Variants in NAALADL2 observed in about 807,000 individuals in gnomAD.
NAALADL2 encodes inactive N-acetylated-alpha-linked acidic dipeptidase-like protein 2.
In NAALADL2, 76 loss-of-function variants were observed where a neutral mutation model predicts 87.2. That is an observed-to-expected ratio of 0.87 (90% CI 0.72 to 1.05). The LOEUF (loss-of-function observed/expected upper bound fraction) is 1.05. Among genes scored for constraint, NAALADL2 ranks in the 50% least tolerant of loss-of-function variants. NAALADL2 has a pLI of 0.00. For synonymous variants in NAALADL2, 354 were observed against 331.0 expected, an observed-to-expected ratio of 1.07 and a Z score of -0.75; for missense variants, 1,089 against 945.8, an observed-to-expected ratio of 1.15 and a Z score of -1.99.
At position 174,657,551 on chromosome 3, in the gene NAALADL2, C is replaced by A. The variant is rs188887350; in HGVS notation, c.-114-80090C>A. On this transcript the variant is annotated intron_variant, in intron 2 of 3. Transcript: ENST00000434257. ...GAGATATCCCATATGCCTGTGCCCC[C>A]ACACATGCACAGCCTCCCCCACTAT... is the stretch of plus-strand genomic sequence containing the variant. Among the ~76,000 whole-genome samples, 7 of 152,232 alleles carry A rather than the reference C, an allele frequency of 4.6e-5. No individual in the cohort carries two copies. The East Asian group carries it at 1.2e-3, about 25-fold the overall frequency.
At chr3:175,035,231 A>G (rs1301430900) in intron 1 of NAALADL2, among the ~76,000 whole-genome samples, 1 of 152,198 alleles carries the variant, frequency 6.6e-6, no homozygotes. Flanking sequence ...ATATAAAAGA[A>G]GTTTGAATTG....
At chr3:174,614,918 A>G (rs1269297913) in intron 2 of NAALADL2, among the ~76,000 whole-genome samples, 1 of 152,148 alleles carries the variant, frequency 6.6e-6, no homozygotes. Flanking sequence ...TTTATACTAT[A>G]ATGAACTTTT....
intron 1 of NAALADL2, among the ~76,000 whole-genome samples, chr3:174,972,984 G>T (rs914894296): frequency 7.9e-6 from 1 of 126,462 alleles, no homozygotes; most frequent in African/African-American, 3.2e-5. Flanking sequence ...CAACAAGAGT[G>T]AAACTCTGTC....
chr3:175,151,241 G>A (rs1355103896), intron 2 of NAALADL2, among the ~76,000 whole-genome samples: 2 of 152,110 alleles, frequency 1.3e-5, no homozygotes, highest in Non-Finnish European at 2.9e-5. Flanking sequence ...AACTGGGCAG[G>A]CAGGCACCTT....
At chr3:174,944,575 C>A (rs995846770) in intron 1 of NAALADL2, among the ~76,000 whole-genome samples, 2 of 152,136 alleles carry the variant, frequency 1.3e-5, no homozygotes, top group Non-Finnish European at 2.9e-5. Context: ...CAGCTTCTTT[C>A]CTAGGGGTAT....
intron 3 of NAALADL2, among the ~76,000 whole-genome samples, chr3:174,797,485 A>G (rs1268531043): frequency 6.7e-6 from 1 of 148,342 alleles, no homozygotes; most frequent in Non-Finnish European, 1.5e-5. Context: ...TAATTTTTGT[A>G]TTTTTCTTTT....
intron 2 of NAALADL2, among the ~76,000 whole-genome samples, chr3:175,200,783 GAC>G (rs1739904965): frequency 6.6e-6 from 1 of 152,012 alleles, no homozygotes; most frequent in East Asian, 1.9e-4. Flanking sequence ...AACTTTTCTT[GAC>G]ACAGTTTATT....
chr3:174,811,395 C>T lies in NAALADL2; in HGVS notation c.-9+73649C>T, dbSNP rs200421110. Among the ~76,000 whole-genome samples, 58 of 152,268 alleles carry T rather than the reference C, an allele frequency of 3.8e-4. No individual in the cohort carries two copies. The East Asian group carries it at 0.01, about 27-fold the overall frequency. The stretch of plus-strand genomic sequence containing the variant: ...TAGAGCCAAGGCCTTGGGAGTCCAC[C>T]CCTTGCACCAGTATGCCCTGGATGT... On this transcript the variant is annotated intron_variant, in intron 3 of 3. Coordinates refer to the NAALADL2 transcript ENST00000434257.
intron 2 of NAALADL2, among the ~76,000 whole-genome samples, chr3:175,099,674 T>G (rs190598108): frequency 7.5e-4 from 114 of 152,334 alleles, no homozygotes; most frequent in Non-Finnish European, 1.2e-4. Flanking sequence ...CCCACTATTT[T>G]GTTCAATTGC....
intron 11 of NAALADL2, among the ~76,000 whole-genome samples, chr3:175,651,061 ATTGT>A (rs1730692743): frequency 6.6e-6 from 1 of 152,176 alleles, no homozygotes; most frequent in African/African-American, 2.4e-5. Flanking sequence ...TGTCTACAGC[ATTGT>A]TTGTGTAGCT....
intron 13 of NAALADL2, among the ~76,000 whole-genome samples, chr3:175,796,942 T>C (rs1334549706): frequency 1.4e-5 from 2 of 144,986 alleles, no homozygotes; most frequent in Non-Finnish European, 3.0e-5. Context: ...TAAAAATTCA[T>C]GGCTTTTTTT....
At chr3:174,919,885 T>A (rs954101272) in intron 1 of NAALADL2, among the ~76,000 whole-genome samples, 1 of 152,162 alleles carries the variant, frequency 6.6e-6, no homozygotes, top group Non-Finnish European at 1.5e-5. Flanking sequence ...TTAGCAGCCA[T>A]AGAAACAATA....
At chr3:175,703,646 G>A (rs1004047142) in intron 11 of NAALADL2, among the ~76,000 whole-genome samples, 6 of 152,130 alleles carry the variant, frequency 3.9e-5, no homozygotes, top group African/African-American at 1.2e-4. Context: ...GGGAGGCTGA[G>A]GCAGGAGAAT....
At chr3:175,110,126 A>T (rs1471168333) in intron 2 of NAALADL2, among the ~76,000 whole-genome samples, 1 of 151,874 alleles carries the variant, frequency 6.6e-6, no homozygotes. Context: ...TTCACATTAC[A>T]TACAGAACTC....
intron 2 of NAALADL2, among the ~76,000 whole-genome samples, chr3:175,189,648 C>A (rs767158469): frequency 6.6e-6 from 1 of 152,052 alleles, no homozygotes; most frequent in Non-Finnish European, 1.5e-5. Context: ...CTATCCGAGA[C>A]AATACACAGA....
chr3:174,822,340 G>A (rs1237830010), intron 3 of NAALADL2, among the ~76,000 whole-genome samples: 1 of 152,138 alleles, frequency 6.6e-6, no homozygotes, highest in Non-Finnish European at 1.5e-5. Flanking sequence ...AAAAATGCCA[G>A]ATATTTTTTC....
At chr3:175,674,648 A>G (rs1455995554) in intron 11 of NAALADL2, among the ~76,000 whole-genome samples, 1 of 152,098 alleles carries the variant, frequency 6.6e-6, no homozygotes, top group Non-Finnish European at 1.5e-5. Flanking sequence ...TTTCATTTTA[A>G]TTAACTTCTT....
chr3:174,862,096 T>C (rs774754354), intron 1 of NAALADL2, among the ~76,000 whole-genome samples: 4 of 152,210 alleles, frequency 2.6e-5, no homozygotes, highest in Non-Finnish European at 4.4e-5. Flanking sequence ...AAATAAATTA[T>C]CTAGGTAAGG....
chr3:175,590,214 ATATATATATATATATATATATATATATAT>A lies in NAALADL2; in HGVS notation c.1800+14028_1800+14056del, dbSNP rs1560811134. On this transcript the variant is annotated intron_variant, in intron 10 of 13. Transcript: ENST00000454872. ...GCGACAGAGCGAGACTCCGTCTAATATATATATATATATATATATATATATATATATATATATATATATATATATATATA... is the reference window on the plus strand; with the variant it reads ...GCGACAGAGCGAGACTCCGTCTAATAATATATATATATATATATATATATA... Among the ~76,000 whole-genome samples the A allele has an allele frequency of 1.9e-3, 283 of 146,982 alleles. 14 individuals are homozygous for A. The highest frequency in any genetic ancestry group is 7.0e-3 in the African/African-American group (277 of 39,390).
Sources: gnomAD v4.1 joint callset for allele counts (sites outside exome capture counted in the v4.1 genomes callset) on GRCh38, gnomAD v4.1.1 for gene constraint, MANE v1.5 for transcripts, NCBI Gene and HGNC (gene_info 2026-07-23, HGNC 2026-07-21) for gene names.